The following UGGT2 variants were observed in gnomAD, a reference collection of about 807,000 sequenced individuals.
The protein encoded by UGGT2 is UDP-glucose glycoprotein glucosyltransferase 2.
UGGT2 carries 180 observed loss-of-function variants against 192.1 expected under a neutral mutation model. The ratio of observed to expected loss-of-function variants is 0.94; its 90% CI spans 0.83 to 1.06. UGGT2 has a LOEUF of 1.06. UGGT2 is among the 50% of genes least tolerant of loss of function. UGGT2 has a pLI of 0.00. For missense variants in UGGT2, 1,849 were observed against 1,795.7 expected (o/e 1.03, Z -0.54); for synonymous variants, 580 against 591.0 (o/e 0.98, Z 0.27).
chr13:95,973,245 C>A (rs531719388), intron 10 of UGGT2, among the ~76,000 whole-genome samples: 1 of 151,826 alleles, frequency 6.6e-6, no homozygotes, highest in African/African-American at 2.4e-5. Flanking sequence ...AGGTGGCAGA[C>A]CATATTTGGC....
chr13:96,004,973 A>G (rs2051927717), intron 5 of UGGT2, among the ~76,000 whole-genome samples: 1 of 152,032 alleles, frequency 6.6e-6, no homozygotes, highest in Non-Finnish European at 1.5e-5. Context: ...GCACTTTATT[A>G]TTTAAAAGAA....
chr13:95,849,275 G>A (rs567510052), intron 36 of UGGT2, among the ~76,000 whole-genome samples: 5 of 151,992 alleles, frequency 3.3e-5, no homozygotes, highest in South Asian at 2.1e-4. Flanking sequence ...AGTGGTTCAC[G>A]CCTGTAATCC....
intron 2 of UGGT2, among the ~76,000 whole-genome samples, chr13:96,028,767 G>A (rs1235676721): frequency 6.6e-6 from 1 of 152,100 alleles, no homozygotes; most frequent in East Asian, 1.9e-4. Flanking sequence ...AGGTCTCATG[G>A]AGATTCAACA....
intron 36 of UGGT2, among the ~76,000 whole-genome samples, chr13:95,847,510 T>C (rs570056562): frequency 3.2e-4 from 49 of 152,312 alleles, no homozygotes; most frequent in Admixed American, 2.9e-3. Context: ...ACTGTCTCCA[T>C]AGTTTTGCTT....
rs1198616487 is a variant in UGGT2 at position 95,937,067 on chromosome 13, T to C, written c.1834A>G (p.Met612Val). 6.3e-7 allele frequency: 1 copy of C among 1,598,334 alleles called. No individual in the cohort carries two copies. Among genetic ancestry groups the C allele is most frequent in the Non-Finnish European group, 8.5e-7 (1 of 1,176,658 alleles). Residue 612 changes from methionine (M) to valine (V), a missense_variant, in exon 17 of 39, where the codon ATG becomes GTG. Met to Val is a conservative substitution (Grantham distance 21). Transcript: ENST00000376747. ...TGAGGCAAAGGACCCAGGCCAGTCA[T>C]CTTATAAAAGCTTGCTCCAGCCTAT... is the stretch of plus-strand genomic sequence containing the variant. ...ERKAGASFYK[M>V]TGLGPLPQAL...
At chr13:95,957,864 A>G (rs4773931) in intron 12 of UGGT2, among the ~76,000 whole-genome samples, 1 of 152,248 alleles carries the variant, frequency 6.6e-6, no homozygotes, top group Non-Finnish European at 1.5e-5. Context: ...ACAAGTATTA[A>G]GATTACTTAC....
chr13:95,986,468 A>AT, intron 8 of UGGT2, 36 bp from the exon 9 acceptor site: 1 of 1,402,014 alleles, frequency 7.1e-7, no homozygotes, highest in South Asian at 1.2e-5. Flanking sequence ...ATCTAGCATA[A>AT]TATTAGACCT....
At chr13:95,886,034 G>A (rs1190009902) in intron 26 of UGGT2, among the ~76,000 whole-genome samples, 2 of 152,108 alleles carry the variant, frequency 1.3e-5, no homozygotes, top group Non-Finnish European at 2.9e-5. Context: ...AAAAAAGCTA[G>A]TATAGAGATT....
At chr13:95,892,033 A>G (rs147644854) in intron 24 of UGGT2, among the ~76,000 whole-genome samples, 2 of 152,286 alleles carry the variant, frequency 1.3e-5, no homozygotes, top group African/African-American at 4.8e-5. Flanking sequence ...ACGTTCTGCT[A>G]TTAAAGTGAC....
rs199906236 is a variant in UGGT2, at chr13:95,877,766, C to A, written c.3319G>T (p.Gly1107Cys). Residue 1107 changes from glycine to cysteine, a missense_variant, in exon 28 of 39, where the codon GGT becomes TGT. Gly to Cys is a radical substitution (Grantham distance 159). Coordinates refer to ENST00000376747, the MANE Select transcript of UGGT2 (RefSeq NM_020121.4). ...TTTGTGCCTAGTGTGAACTGCAGAC[C>A]CCGAGGAGGCTGTTCTGTCACTTTA... ...FDKVTEQPPRGLQFTLGTKNK... is the reference protein window; with the variant it reads ...FDKVTEQPPRCLQFTLGTKNK... The A allele has an allele frequency of 2.8e-4, 451 of 1,613,904 alleles. 1 individual carries two copies. Among genetic ancestry groups the A allele is most frequent in the Middle Eastern group, 6.6e-4 (4 of 6,060 alleles).
At chr13:95,953,236 C>G (rs1017952539) in intron 12 of UGGT2, among the ~76,000 whole-genome samples, 4 of 152,118 alleles carry the variant, frequency 2.6e-5, no homozygotes, top group African/African-American at 9.7e-5. Flanking sequence ...TCCAGAAAAC[C>G]TTGAAACTGT....
At chr13:95,980,101 G>C (rs1412514754) in intron 10 of UGGT2, among the ~76,000 whole-genome samples, 3 of 152,158 alleles carry the variant, frequency 2.0e-5, no homozygotes, top group Non-Finnish European at 2.9e-5. Context: ...CGTAAAAGCA[G>C]ATCTACCATT....
chr13:95,811,414 A>G (rs1346492895), intron 38 of UGGT2, among the ~76,000 whole-genome samples: 1 of 152,230 alleles, frequency 6.6e-6, no homozygotes, highest in African/African-American at 2.4e-5. Flanking sequence ...CTGTGGAGAC[A>G]GAAGTAGATT....
intron 38 of UGGT2, among the ~76,000 whole-genome samples, chr13:95,803,423 G>C (rs1884159639): frequency 6.6e-6 from 1 of 152,014 alleles, no homozygotes; most frequent in Non-Finnish European, 1.5e-5. Context: ...ACCACGCCTG[G>C]CTAATTTTGT....
At chr13:95,877,388 T>C (rs1891804215) in intron 28 of UGGT2, 24 bp from the exon 29 acceptor site, 2 of 1,568,510 alleles carry the variant, frequency 1.3e-6, no homozygotes, top group Non-Finnish European at 1.7e-6. Context: ...AAAAAAATAA[T>C]CATTGAGTAA....
intron 30 of UGGT2, among the ~76,000 whole-genome samples, chr13:95,864,484 T>A (rs544344589): frequency 1.9e-4 from 29 of 152,332 alleles, no homozygotes; most frequent in South Asian, 1.4e-3. Flanking sequence ...ACAGCATAGT[T>A]ATAGTTTCCT....
intron 38 of UGGT2, among the ~76,000 whole-genome samples, chr13:95,825,205 C>G (rs1436442447): frequency 6.6e-6 from 1 of 152,074 alleles, no homozygotes; most frequent in African/African-American, 2.4e-5. Flanking sequence ...TTTAATTTCT[C>G]CCCAGTATTT....
intron 20 of UGGT2, among the ~76,000 whole-genome samples, chr13:95,909,593 G>T (rs1413780195): frequency 8.4e-6 from 1 of 118,896 alleles, no homozygotes; most frequent in African/African-American, 3.2e-5. Flanking sequence ...CACATACTGG[G>T]GACTGTTGTG....
At chr13:96,022,543 TTAAAGTATAAA>T (rs2052544561) in intron 4 of UGGT2, among the ~76,000 whole-genome samples, 1 of 151,328 alleles carries the variant, frequency 6.6e-6, no homozygotes, top group Non-Finnish European at 1.5e-5. Flanking sequence ...TTATTATTTT[TTAAAGTATAAA>T]TAATCAGGCA....
Sources: allele counts gnomAD v4.1 joint callset (sites outside exome capture counted in the v4.1 genomes callset), GRCh38; gene constraint gnomAD v4.1.1; transcripts MANE v1.5; gene names NCBI Gene and HGNC (gene_info 2026-07-23, HGNC 2026-07-21).